Variants in CNNM2 observed in about 807,000 individuals in gnomAD.
CNNM2 encodes metal transporter CNNM2.
In CNNM2, 12 loss-of-function variants were observed where a neutral mutation model predicts 66.9. The observed-to-expected ratio is 0.18, with a 90% confidence interval of 0.11 to 0.29. The LOEUF (loss-of-function observed/expected upper bound fraction) is 0.29, where lower values mean the gene tolerates loss of function less well. Ranked by LOEUF, CNNM2 falls within the 10% of genes least tolerant of loss-of-function variation. The pLI is 1.00. For missense variants in CNNM2, 705 were observed against 1,167.7 expected (o/e 0.60, Z 5.77); for synonymous variants, 557 against 501.8 (o/e 1.11, Z -1.47).
rs1590505317 is a variant in CNNM2 at position 103,071,921 on chromosome 10, C to T, written c.2233+82C>T. On this transcript the variant is annotated intron_variant, in intron 6 of 7. Transcript: ENST00000369878. ...CACGCCTGGCTGGCTGGGTCTGCTC[C>T]CTTTACCTGGACAGGCTGTTTTCAG... The T allele has an allele frequency of 2.5e-6, 3 of 1,200,660 alleles. No homozygotes were observed. The East Asian group carries it at 7.0e-5, about 28-fold the overall frequency. 74.4% of individuals were successfully genotyped at this position (1,200,660 alleles called of 1,614,324 possible). A position where few individuals can be genotyped will look rare whatever the true frequency, so the allele number is the denominator to read the frequency against.
chr10:102,937,816 G>A (rs545753545), intron 1 of CNNM2, among the ~76,000 whole-genome samples: 2 of 151,026 alleles, frequency 1.3e-5, no homozygotes, highest in African/African-American at 4.9e-5. Context: ...GTAGAGACAG[G>A]CTCTCCCTAT....
At chr10:102,954,245 A>G (rs1272139945) in intron 1 of CNNM2, among the ~76,000 whole-genome samples, 1 of 150,424 alleles carries the variant, frequency 6.6e-6, no homozygotes, top group African/African-American at 2.5e-5. Context: ...CTCCTGCCTC[A>G]GCTTCCTGAG....
At chr10:103,020,259 G>A (rs962947121) in intron 1 of CNNM2, among the ~76,000 whole-genome samples, 1 of 151,828 alleles carries the variant, frequency 6.6e-6, no homozygotes, top group African/African-American at 2.4e-5. Flanking sequence ...GGGTTCAAGC[G>A]ATTCTCCTGC....
chr10:103,051,854 G>T (rs772517338), intron 2 of CNNM2, among the ~76,000 whole-genome samples: 1 of 152,160 alleles, frequency 6.6e-6, no homozygotes, highest in Non-Finnish European at 1.5e-5. Flanking sequence ...CATCTGAATA[G>T]CATTCTTAAA....
At chr10:103,016,456 A>G (rs2064452335) in intron 1 of CNNM2, among the ~76,000 whole-genome samples, 1 of 152,146 alleles carries the variant, frequency 6.6e-6, no homozygotes, top group African/African-American at 2.4e-5. Context: ...GACGGCAGTG[A>G]ATCAGGTCAT....
At position 103,081,694 on chromosome 10, in the gene CNNM2, C is replaced by T. The variant is rs2065759107; in HGVS notation, c.*4514C>T. ...AAGGCTGTGACAAGTAGGCCTTCCT[C>T]CTCTAGCACTTGCAAGCTTTCTGTC... On this transcript the variant is annotated 3_prime_UTR_variant, in exon 8 of 8. Transcript: ENST00000369878. The T allele has an allele frequency of 6.6e-6, 1 of 152,210 alleles. No homozygotes were observed. Among genetic ancestry groups the T allele is most frequent in the South Asian group, 2.1e-4 (1 of 4,832 alleles). 9.4% of individuals were successfully genotyped at this position (152,210 alleles called of 1,614,324 possible). A position where few individuals can be genotyped will look rare whatever the true frequency, so the allele number is the denominator to read the frequency against.
At chr10:103,067,977 TG>T (rs2065509693) in intron 4 of CNNM2, among the ~76,000 whole-genome samples, 1 of 152,086 alleles carries the variant, frequency 6.6e-6, no homozygotes, top group South Asian at 2.1e-4. Context: ...TGAGACAGAG[TG>T]GGTTCTACCC....
intron 6 of CNNM2, among the ~76,000 whole-genome samples, chr10:103,072,898 C>T (rs976952151): frequency 6.6e-6 from 1 of 152,202 alleles, no homozygotes. Context: ...TAGGGCCGCC[C>T]CAGAATTGCT....
chr10:103,067,096 C>CT lies in CNNM2; in HGVS notation c.2074-1517dup, dbSNP rs987865731. Among the ~76,000 whole-genome samples, 804 of 141,488 alleles carry CT rather than the reference C, an allele frequency of 5.7e-3. 3 individuals carry two copies. Among genetic ancestry groups the CT allele is most frequent in the African/African-American group, 0.011 (429 of 38,666 alleles). The allele number at this position is 141,488 out of a possible 152,430, so 92.8% of individuals were successfully genotyped here. A position where few individuals can be genotyped will look rare whatever the true frequency, so the allele number is the denominator to read the frequency against. On this transcript the variant is annotated intron_variant, in intron 4 of 7. Transcript: ENST00000369878. ...TAGTTTGCATCAGGTGGCATAGCAT[C>CT]TTTTTTTTTTTTTTTTCTTTGAGAC... is the stretch of plus-strand genomic sequence containing the variant.
intron 1 of CNNM2, among the ~76,000 whole-genome samples, chr10:103,011,682 G>A (rs867959659): frequency 4.7e-5 from 7 of 148,274 alleles, no homozygotes; most frequent in African/African-American, 7.4e-5. Flanking sequence ...GTGTGTGTGT[G>A]TGTATGTATA....
chr10:102,985,114 A>G (rs1176752709), intron 1 of CNNM2, among the ~76,000 whole-genome samples: 1 of 152,114 alleles, frequency 6.6e-6, no homozygotes, highest in Non-Finnish European at 1.5e-5. Context: ...TTTCTTTTTA[A>G]CTTTCTGCAG....
intron 1 of CNNM2, among the ~76,000 whole-genome samples, chr10:102,956,481 A>G (rs1847041186): frequency 6.6e-6 from 1 of 152,262 alleles, no homozygotes; most frequent in African/African-American, 2.4e-5. Context: ...TATATACCCA[A>G]AGGATTATAA....
chr10:103,044,376 C>T (rs1015780795), intron 1 of CNNM2, among the ~76,000 whole-genome samples: 2 of 151,906 alleles, frequency 1.3e-5, no homozygotes, highest in Non-Finnish European at 2.9e-5. Context: ...AGCAATATAG[C>T]GAGACCCTGT....
At chr10:102,967,069 C>T (rs1434679143) in intron 1 of CNNM2, among the ~76,000 whole-genome samples, 1 of 152,126 alleles carries the variant, frequency 6.6e-6, no homozygotes, top group Non-Finnish European at 1.5e-5. Flanking sequence ...ATGTCAGCCT[C>T]CCCAGTATCT....
intron 1 of CNNM2, among the ~76,000 whole-genome samples, chr10:103,016,959 T>C (rs993377725): frequency 6.6e-6 from 1 of 151,670 alleles, no homozygotes; most frequent in African/African-American, 2.4e-5. Flanking sequence ...GGGGGTACTT[T>C]GTCATATAGT....
chr10:103,001,504 A>C (rs187933968), intron 1 of CNNM2, among the ~76,000 whole-genome samples: 15 of 152,302 alleles, frequency 9.8e-5, no homozygotes, highest in African/African-American at 3.4e-4. Flanking sequence ...GCCCCATCCC[A>C]GCCCCACAAG....
chr10:103,044,180 T>G (rs920944272), intron 1 of CNNM2, among the ~76,000 whole-genome samples: 1 of 152,266 alleles, frequency 6.6e-6, no homozygotes, highest in Non-Finnish European at 1.5e-5. Flanking sequence ...TTTTAAGTTT[T>G]GGGTTTATTC....
rs573180525 is a variant in CNNM2 at position 103,056,505 on chromosome 10, T to C, written c.1904-290T>C. 9.8e-5 allele frequency among the ~76,000 whole-genome samples: 15 copies of C among 152,380 alleles called. No individual in the cohort carries two copies. The South Asian group carries it at 2.9e-3, about 29-fold the overall frequency. On this transcript the variant is annotated intron_variant, in intron 3 of 7. Coordinates refer to ENST00000369878, the MANE Select transcript of CNNM2 (RefSeq NM_017649.5). ...CATCCCCCGCACTCAAGGAGCCCGC[T>C]TGCCGTTGATTTTCGTTTCTGTCAG...
intron 1 of CNNM2, among the ~76,000 whole-genome samples, chr10:102,952,233 G>A (rs1846865722): frequency 6.6e-6 from 1 of 151,848 alleles, no homozygotes. Flanking sequence ...GAGCCACCAC[G>A]CTGGCCAGAA....
Sources: allele counts gnomAD v4.1 joint callset (sites outside exome capture counted in the v4.1 genomes callset), GRCh38; gene constraint gnomAD v4.1.1; transcripts MANE v1.5; gene names NCBI Gene and HGNC (gene_info 2026-07-23, HGNC 2026-07-21).